Variants in DYRK4 observed in about 807,000 individuals in gnomAD.
The protein encoded by DYRK4 is dual specificity tyrosine-phosphorylation-regulated kinase 4.
DYRK4 carries 64 observed loss-of-function variants against 68.3 expected under a neutral mutation model. That is an observed-to-expected ratio of 0.94 (90% CI 0.77 to 1.15). The LOEUF (loss-of-function observed/expected upper bound fraction) is 1.15. DYRK4 is among the 50% of genes most tolerant of loss of function. The pLI is 0.00. For synonymous variants in DYRK4, 274 were observed against 289.9 expected (o/e 0.95, Z 0.56); for missense variants, 740 against 764.7 (o/e 0.97, Z 0.38).
chr12:4,598,982 T>C, intron 8 of DYRK4, 46 bp from the exon 9 acceptor site: 2 of 1,608,340 alleles, frequency 1.2e-6, no homozygotes, highest in South Asian at 1.1e-5. Context: ...CTCAGCCTTA[T>C]ATGTTTTTTT....
intron 10 of DYRK4, among the ~76,000 whole-genome samples, chr12:4,603,751 C>T (rs980981027): frequency 1.3e-5 from 2 of 152,218 alleles, no homozygotes; most frequent in Non-Finnish European, 2.9e-5. Context: ...AGTAATGCTT[C>T]CCACAAAGAA....
At position 4,593,131 on chromosome 12, in the gene DYRK4, C is replaced by T. The variant is rs555679721; in HGVS notation, c.593C>T (p.Thr198Met). ...ACGGCTCCTGAGAAATTTAGCAAGA[C>T]GAGTTTTGATGATGAGCATGGCTTC... The part of the protein sequence containing the change: ...LDTAPEKFSK[T>M]SFDDEHGFYL... Residue 198 changes from threonine (T) to methionine (M), a missense_variant, in exon 6 of 15, where the codon ACG (threonine) becomes ATG (methionine). By Grantham distance (81) the Thr-to-Met change is moderately conservative. Coordinates refer to ENST00000543431, the MANE Select transcript of DYRK4 (RefSeq NM_001394779.1). 5.0e-5 allele frequency: 80 copies of T among 1,613,948 alleles called. No individual in the cohort carries two copies. Among genetic ancestry groups the T allele is most frequent in the South Asian group, 4.6e-4 (42 of 91,056 alleles).
At chr12:4,600,477 G>A (rs1386083456) in intron 10 of DYRK4, among the ~76,000 whole-genome samples, 1 of 150,922 alleles carries the variant, frequency 6.6e-6, no homozygotes, top group African/African-American at 2.4e-5. Context: ...GATATACACA[G>A]GCTGTGTTAA....
At chr12:4,607,439 A>G (rs746906453) in intron 12 of DYRK4, 52 bp downstream of exon 12, 4 of 1,580,098 alleles carry the variant, frequency 2.5e-6, no homozygotes, top group Non-Finnish European at 3.5e-6. Context: ...GACACCTGCC[A>G]TACCTTAAGG....
intron 12 of DYRK4, among the ~76,000 whole-genome samples, 182 bp downstream of exon 12, chr12:4,607,569 G>C (rs1363071735): frequency 6.6e-6 from 1 of 152,212 alleles, no homozygotes; most frequent in African/African-American, 2.4e-5. Flanking sequence ...GGATGGGGGA[G>C]TCACAGTGGG....
chr12:4,607,379 C>T lies in DYRK4; in HGVS notation c.1352C>T (p.Thr451Ile). The change falls in exon 12 of 15, where the codon ACA becomes ATA. Residue 451 changes from threonine to isoleucine, a missense_variant. Coordinates refer to ENST00000543431, the MANE Select transcript of DYRK4 (RefSeq NM_001394779.1). ...GFIQTASRRQ[T>I]FFDSKGFPKN... ...ATTCAGACAGCCTCCAGGAGACAGA[C>T]ATTCTTTGGTAAGTCCTAGTGTGTC... 1 of 1,614,180 alleles carries T rather than the reference C, an allele frequency of 6.2e-7. No homozygotes were observed. Among genetic ancestry groups the T allele is most frequent in the Non-Finnish European group, 8.5e-7 (1 of 1,180,024 alleles).
At chr12:4,596,405 C>T in intron 7 of DYRK4, 120 bp downstream of exon 7, 1 of 1,536,498 alleles carries the variant, frequency 6.5e-7, no homozygotes, top group Non-Finnish European at 8.7e-7. Context: ...CTTCCCTTTT[C>T]TCTTTCTACC....
At chr12:4,602,262 C>T in intron 10 of DYRK4, 1 of 1,085,134 alleles carries the variant, frequency 9.2e-7, no homozygotes. Context: ...GCTCTCTTTT[C>T]TTTTGCAACC....
At chr12:4,576,842 A>G (rs1944794344) in intron 2 of DYRK4, among the ~76,000 whole-genome samples, 1 of 152,166 alleles carries the variant, frequency 6.6e-6, no homozygotes, top group Non-Finnish European at 1.5e-5. Flanking sequence ...ATATTTTGCT[A>G]ATTTTTAATT....
intron 2 of DYRK4, among the ~76,000 whole-genome samples, chr12:4,573,570 A>C (rs1944754250): frequency 6.6e-6 from 1 of 152,216 alleles, no homozygotes; most frequent in Admixed American, 6.5e-5. Context: ...CAAATAGAGT[A>C]TCAGTTCGAC....
chr12:4,590,091 G>T, intron 3 of DYRK4: 1 of 1,235,130 alleles, frequency 8.1e-7, no homozygotes, highest in Non-Finnish European at 1.0e-6. Context: ...GTGAGCTGTT[G>T]AAAGCCTGCA....
intron 2 of DYRK4, chr12:4,573,362 T>C (rs1404783252): frequency 1.6e-6 from 2 of 1,289,514 alleles, no homozygotes; most frequent in Non-Finnish European, 2.0e-6. Flanking sequence ...ACATGGTAAG[T>C]ACCAGTTCCT....
Position 4,580,705 on chromosome 12 carries a change from G to C in DYRK4, c.133-8232G>C, listed in dbSNP as rs938979622. Reference sequence around the variant, plus strand: ...AACTCCTGGTAGTTCTGGCCTCTGGGAAGGGATGACAGAGCCTGTAAGGAA... The same window carrying C: ...AACTCCTGGTAGTTCTGGCCTCTGGCAAGGGATGACAGAGCCTGTAAGGAA... On this transcript the variant is annotated intron_variant, in intron 2 of 14. Transcript: ENST00000543431. 1.1e-4 allele frequency: 44 copies of C among 401,646 alleles called. 1 individual carries two copies. Among genetic ancestry groups the C allele is most frequent in the Admixed American group, 2.5e-4 (8 of 31,868 alleles). The allele number at this position is 401,646 out of a possible 1,614,324, so 24.9% of individuals were successfully genotyped here. A position where few individuals can be genotyped will look rare whatever the true frequency, so the allele number is the denominator to read the frequency against.
intron 2 of DYRK4, among the ~76,000 whole-genome samples, chr12:4,576,554 T>C (rs1284153327): frequency 6.6e-6 from 1 of 152,236 alleles, no homozygotes; most frequent in Non-Finnish European, 1.5e-5. Context: ...CTGGATTGTA[T>C]GTTAAGGCTA....
chr12:4,613,606 C>T lies in DYRK4; in HGVS notation c.1758C>T (p.His586=), dbSNP rs369962777. The T allele has an allele frequency of 6.4e-5, 103 of 1,614,156 alleles. 1 individual carries two copies. In the South Asian group the frequency reaches 8.2e-4, roughly 13 times the overall value. The part of the protein sequence containing the change: ...HSGDQQDCLQ[H]GADTVQLPQL... ...GTGATCAGCAGGACTGTCTCCAGCA[C>T]GGAGCTGACACTGTTCAGCTGCCTC... Residue 586 remains histidine (H), a synonymous_variant, in exon 15 of 15, where the codon CAC becomes CAT. Transcript: ENST00000543431. The surrounding 1 kb of genome is among the most constrained non-coding windows in gnomAD (Gnocchi z 4.0).
chr12:4,590,062 G>A, intron 3 of DYRK4: 1 of 1,052,544 alleles, frequency 9.5e-7, no homozygotes, highest in South Asian at 3.5e-5. Context: ...AATAATTGAG[G>A]TTTCGAGAAA....
In DYRK4 at chr12:4,596,626, G is replaced by C. The variant is rs1945021382; in HGVS notation, c.802G>C (p.Glu268Gln). 1 of 1,614,024 alleles carries C rather than the reference G, an allele frequency of 6.2e-7. No homozygotes were observed. The highest frequency in any genetic ancestry group is 1.3e-5 in the African/African-American group (1 of 74,930). ...QQALMELKIL[E>Q]ALRKKDKDNT... ...GGCCCTGATGGAGCTGAAGATCCTG[G>C]AAGCTCTCAGAAAGAAGGACAAAGA... Residue 268 changes from glutamate (E) to glutamine (Q), a missense_variant, in exon 8 of 15, where the codon GAA (glutamate) becomes CAA (glutamine). Physicochemically the swap from Glu to Gln is conservative, Grantham distance 29. Coordinates refer to ENST00000543431, the MANE Select transcript of DYRK4 (RefSeq NM_001394779.1).
intron 10 of DYRK4, chr12:4,602,900 CT>C (rs1250584940): frequency 2.0e-6 from 2 of 982,030 alleles, no homozygotes; most frequent in South Asian, 1.4e-5. Context: ...TTCAAAATAA[CT>C]TTTGTAAGTA....
chr12:4,595,440 AAAGCTGAAGTATTTTT>A (rs1271807907), intron 6 of DYRK4, among the ~76,000 whole-genome samples: 3 of 152,234 alleles, frequency 2.0e-5, no homozygotes, highest in Admixed American at 6.5e-5. Context: ...TTGCTTGTCT[AAAGCTGAAGTATTTTT>A]AATAGAAAAT....
Sources: allele counts gnomAD v4.1 joint callset (sites outside exome capture counted in the v4.1 genomes callset), GRCh38; gene constraint gnomAD v4.1.1; non-coding constraint Gnocchi (gnomAD v3.1); transcripts MANE v1.5; gene names NCBI Gene and HGNC (gene_info 2026-07-23, HGNC 2026-07-21).